The following ALDH3B1 variants were observed in gnomAD, a reference collection of about 807,000 sequenced individuals.
ALDH3B1 encodes aldehyde dehydrogenase family 3 member B1.
A neutral mutation model predicts 46.2 loss-of-function variants in ALDH3B1; 37 were observed. The ratio of observed to expected loss-of-function variants is 0.80; its 90% CI spans 0.62 to 1.05. The LOEUF (loss-of-function observed/expected upper bound fraction) is 1.05. ALDH3B1 is among the 50% of genes least tolerant of loss of function. The pLI, the probability that ALDH3B1 is intolerant of heterozygous loss-of-function variation, is 0.00. For synonymous variants in ALDH3B1, 283 were observed against 281.0 expected (o/e 1.01, Z -0.07); for missense variants, 603 against 665.5 (o/e 0.91, Z 1.03).
chr11:68,015,791 C>A (rs761375746), intron 2 of ALDH3B1: 36 of 422,878 alleles, frequency 8.5e-5, no homozygotes, highest in Non-Finnish European at 1.5e-4. Context: ...CAAGGCCGGG[C>A]ATGGTGGCTC....
intron 8 of ALDH3B1, chr11:68,024,344 G>A (rs1055993434): frequency 6.6e-5 from 10 of 152,206 alleles, no homozygotes; most frequent in Non-Finnish European, 1.2e-4. Flanking sequence ...AGCTACTATT[G>A]TTTGTTTCTT....
Position 68,021,752 on chromosome 11 carries a change from A to C in ALDH3B1, c.830A>C (p.Gln277Pro). The C allele has an allele frequency of 1.9e-6, 3 of 1,614,100 alleles. No individual in the cohort carries two copies. The highest frequency in any genetic ancestry group is 2.5e-6 in the Non-Finnish European group (3 of 1,179,974). ...TITRFYGDDP[Q>P]SSPNLGRIIN... ...ACCCGTTTCTATGGCGACGACCCCCAGAGCTCCCCAAACCTGGGCCGCATC... is the reference window on the plus strand; with the variant it reads ...ACCCGTTTCTATGGCGACGACCCCCCGAGCTCCCCAAACCTGGGCCGCATC... The change falls in exon 7 of 10, where the codon CAG becomes CCG. Residue 277 changes from glutamine to proline, a missense_variant. Physicochemically the swap from Gln to Pro is moderately conservative, Grantham distance 76 (BLOSUM62 -1). Transcript: ENST00000342456.
At chr11:68,025,910 C>A in intron 8 of ALDH3B1, 99 bp from the exon 9 acceptor site, 1 of 846,014 alleles carries the variant, frequency 1.2e-6, no homozygotes, top group Non-Finnish European at 1.7e-6. Context: ...CTTTCTGAGG[C>A]AAGATCAGTG....
At position 68,021,888 on chromosome 11, in the gene ALDH3B1, C is replaced by T; in HGVS notation, c.949+17C>T. 1 of 1,573,992 alleles carries T rather than the reference C, an allele frequency of 6.4e-7. No individual in the cohort carries two copies. The highest frequency in any genetic ancestry group is 8.6e-7 in the Non-Finnish European group (1 of 1,158,176). On this transcript the variant is annotated intron_variant, in intron 7 of 9. Coordinates refer to ENST00000342456, the MANE Select transcript of ALDH3B1 (RefSeq NM_000694.4). ...GCTACATCGGTGAGTCCTGCTGCCC[C>T]TACCACAGCCCACCTGGGCCAAGAC...
intron 1 of ALDH3B1, chr11:68,014,905 G>A (rs1857308675): frequency 5.4e-6 from 1 of 184,836 alleles, no homozygotes; most frequent in Non-Finnish European, 1.1e-5. Context: ...CATCAGGGCA[G>A]GGCAGAGGCC....
chr11:68,022,895 A>G, intron 8 of ALDH3B1, 134 bp downstream of exon 8: 1 of 1,325,348 alleles, frequency 7.5e-7, no homozygotes. Flanking sequence ...GTCTCTGCCC[A>G]CTCTCCTGGA....
rs1222177594 is a variant in ALDH3B1 at position 68,015,309 on chromosome 11, T to C, written c.12T>C (p.Leu4=). 6.7e-7 allele frequency: 1 copy of C among 1,501,786 alleles called. No homozygotes were observed. The allele number at this position is 1,501,786 out of a possible 1,614,324, so 93.0% of individuals were successfully genotyped here. A position where few individuals can be genotyped will look rare whatever the true frequency, so the allele number is the denominator to read the frequency against. The change falls in exon 2 of 10, where the codon CTT becomes CTC. Residue 4 remains leucine (L), a synonymous_variant. Transcript: ENST00000342456. ...CCCCATCTGGCAGGATGGACCCCCT[T>C]GGGGACACGCTGCGGCGACTGCGGG... MDP[L]GDTLRRLREA...
At chr11:68,009,221 G>A (rs545448412), upstream of ALDH3B1, among the ~76,000 whole-genome samples, 10 of 152,356 alleles carry the variant, frequency 6.6e-5, no homozygotes, top group South Asian at 2.1e-3. Context: ...TCTGCAGAAA[G>A]ACAGGCTCTA....
At chr11:68,027,443 G>A (rs968461592) in intron 9 of ALDH3B1, among the ~76,000 whole-genome samples, 4 of 152,172 alleles carry the variant, frequency 2.6e-5, no homozygotes, top group African/African-American at 2.4e-5. Flanking sequence ...GGAGACTGAG[G>A]CACAGTCCAA....
At chr11:68,018,326 C>T (rs1375144089) in intron 2 of ALDH3B1, 23 of 582,182 alleles carry the variant, frequency 4.0e-5, no homozygotes, top group East Asian at 2.3e-4. Flanking sequence ...CCTGCAAGGT[C>T]GGCCTCAGGG....
chr11:68,026,986 T>C (rs545705672), intron 9 of ALDH3B1, among the ~76,000 whole-genome samples: 1 of 152,110 alleles, frequency 6.6e-6, no homozygotes. Context: ...CGGGGCTGTC[T>C]GTGGGCACAT....
At chr11:68,008,917 C>T (rs140148305), upstream of ALDH3B1, among the ~76,000 whole-genome samples, 1,645 of 152,260 alleles carry the variant, frequency 0.011, 32 homozygotes, top group African/African-American at 0.038. Flanking sequence ...CCCCACAGCA[C>T]GCTGGCTCTG....
At chr11:68,015,694 T>C (rs1565133973) in intron 2 of ALDH3B1, 3 of 696,978 alleles carry the variant, frequency 4.3e-6, no homozygotes, top group Non-Finnish European at 7.8e-6. Context: ...GCTCTGGGGA[T>C]ATAGCAGAGA....
chr11:68,019,014 C>T (rs746532638), intron 4 of ALDH3B1, 121 bp downstream of exon 4: 6 of 1,466,416 alleles, frequency 4.1e-6, no homozygotes, highest in Middle Eastern at 4.0e-4. Context: ...GTCTGGTCCA[C>T]CGTCCCCGGG....
rs757480205 is a variant in ALDH3B1 at position 68,027,983 on chromosome 11, G to T, written c.*44G>T. 6.4e-7 allele frequency: 1 copy of T among 1,560,150 alleles called. No individual in the cohort carries two copies. The highest frequency in any genetic ancestry group is 1.8e-5 in the Admixed American group (1 of 54,134). On this transcript the variant is annotated 3_prime_UTR_variant, in exon 10 of 10. Coordinates refer to ENST00000342456, the MANE Select transcript of ALDH3B1 (RefSeq NM_000694.4). ...GCTGTAGACCACCATGACAGCTGTC[G>T]CCTGCGGCTGGTGGAGACGGGGCCT...
Position 68,018,894 on chromosome 11 carries a change from G to A in ALDH3B1, c.394+1G>A. The A allele has an allele frequency of 1.3e-6, 2 of 1,553,682 alleles. No individual in the cohort carries two copies. Among genetic ancestry groups the A allele is most frequent in the Non-Finnish European group, 1.7e-6 (2 of 1,148,698 alleles). On this transcript the variant is annotated splice_donor_variant, in intron 4 of 9. Transcript: ENST00000342456. LOFTEE classifies it high-confidence loss of function. The stretch of plus-strand genomic sequence containing the variant: ...CCCCTCGTGGGAGCCCTCGCTGCAG[G>A]TGAGAGCTGGGCCTGCCCCTTCCGG...
intron 1 of ALDH3B1, chr11:68,014,959 C>T (rs1857310449): frequency 7.3e-6 from 2 of 273,268 alleles, no homozygotes; most frequent in African/African-American, 2.2e-5. Context: ...AAGCATGGCG[C>T]TCTGCCTGCC....
chr11:68,028,368 G>A lies in ALDH3B1; in HGVS notation c.*429G>A. 2 of 352,760 alleles carry A rather than the reference G, an allele frequency of 5.7e-6. No homozygotes were observed. Among genetic ancestry groups the A allele is most frequent in the African/African-American group, 2.1e-5 (1 of 47,060 alleles). The allele number at this position is 352,760 out of a possible 1,614,324, so 21.9% of individuals were successfully genotyped here. ...GTCTCAGTTTTTCCATTTGTTCAGT[G>A]GAGAGAATTAACCATTGATACCTCC... On this transcript the variant is annotated 3_prime_UTR_variant, in exon 10 of 10. Transcript: ENST00000342456.
At position 68,018,859 on chromosome 11, in the gene ALDH3B1, G is replaced by C. The variant is rs987752991; in HGVS notation, c.360G>C (p.Leu120=). The C allele has an allele frequency of 1.9e-6, 3 of 1,562,782 alleles. No individual in the cohort carries two copies. In the African/African-American group the frequency reaches 4.1e-5, roughly 21 times the overall value. Residue 120 remains leucine (L), a synonymous_variant, in exon 4 of 10, where the codon CTG becomes CTC. Transcript: ENST00000342456. ...IIAPWNYPLN[L]TLVPLVGALA... The stretch of plus-strand genomic sequence containing the variant: ...CGCCCTGGAACTATCCGCTGAACCT[G>C]ACGCTGGTGCCCCTCGTGGGAGCCC...
Sources: gnomAD v4.1 joint callset for allele counts (sites outside exome capture counted in the v4.1 genomes callset) on GRCh38, gnomAD v4.1.1 for gene constraint, MANE v1.5 for transcripts, NCBI Gene and HGNC (gene_info 2026-07-23, HGNC 2026-07-21) for gene names.